RANBP2: variants seen among roughly 807,000 people sequenced by gnomAD.
RANBP2 encodes E3 SUMO-protein ligase RanBP2.
RANBP2 carries 57 observed loss-of-function variants against 303.6 expected under a neutral mutation model. That is an observed-to-expected ratio of 0.19 (90% CI 0.15 to 0.23). RANBP2 has a LOEUF of 0.23. Ranked by LOEUF, RANBP2 falls within the 10% of genes least tolerant of loss-of-function variation. The pLI, the probability that RANBP2 is intolerant of heterozygous loss-of-function variation, is 1.00. For missense variants in RANBP2, 3,138 were observed against 3,780.8 expected (o/e 0.83, Z 4.46); for synonymous variants, 1,167 against 1,301.5 (o/e 0.90, Z 2.23).
chr2:109,595,021 G>A, the RANBP2 span: 19 of 152,082 alleles, frequency 1.2e-4, no homozygotes, highest in Admixed American at 1.1e-3. Flanking sequence ...CGAGCAGCTG[G>A]GATTACCGGC....
chr2:109,286,582 G>A, the RANBP2 span, among the ~76,000 whole-genome samples: 3 of 152,198 alleles, frequency 2.0e-5, no homozygotes, highest in Admixed American at 6.5e-5. Context: ...TTCAGCTAAG[G>A]CCCCTTCTGG....
the RANBP2 span, among the ~76,000 whole-genome samples, chr2:109,628,943 C>T: frequency 4.6e-5 from 7 of 152,020 alleles, no homozygotes; most frequent in Admixed American, 1.3e-4. Flanking sequence ...GTGGCTCACG[C>T]CTGTAATCCC....
At chr2:108,956,151 G>A in the RANBP2 span, among the ~76,000 whole-genome samples, 1 of 152,176 alleles carries the variant, frequency 6.6e-6, no homozygotes, top group Admixed American at 6.5e-5. Flanking sequence ...TGGATTGAAA[G>A]TATCCCATCA....
At chr2:109,610,155 C>A in the RANBP2 span, among the ~76,000 whole-genome samples, 1 of 151,410 alleles carries the variant, frequency 6.6e-6, no homozygotes, top group African/African-American at 2.4e-5. Context: ...GTGGCGCGAT[C>A]TCAGCTTACT....
At chr2:108,925,398 G>A in the RANBP2 span, among the ~76,000 whole-genome samples, 2 of 152,324 alleles carry the variant, frequency 1.3e-5, no homozygotes, top group Non-Finnish European at 2.9e-5. Flanking sequence ...GCTACACGGC[G>A]GATGCACAAC....
At chr2:109,116,153 A>G in the RANBP2 span, among the ~76,000 whole-genome samples, 1 of 152,078 alleles carries the variant, frequency 6.6e-6, no homozygotes, top group Non-Finnish European at 1.5e-5. Context: ...CGTTCTCTGT[A>G]TTTCCTGAAT....
At chr2:109,044,525 A>AAAAT in the RANBP2 span, among the ~76,000 whole-genome samples, 73 of 152,186 alleles carry the variant, frequency 4.8e-4, no homozygotes, top group South Asian at 7.9e-3. Flanking sequence ...TCTGTCGCAA[A>AAAAT]AAATAAATAA....
chr2:108,979,179 T>C, the RANBP2 span, among the ~76,000 whole-genome samples: 1 of 152,196 alleles, frequency 6.6e-6, no homozygotes, highest in African/African-American at 2.4e-5. Flanking sequence ...GCCCGAGTAC[T>C]TGACCCTTAC....
the RANBP2 span, chr2:109,760,433 A>T: frequency 1.1e-6 from 1 of 915,676 alleles, no homozygotes; most frequent in Non-Finnish European, 1.3e-6. Context: ...GCGGCGGCGC[A>T]GGGCCGGGGG....
chr2:109,000,134 C>T, the RANBP2 span, among the ~76,000 whole-genome samples: 1 of 152,176 alleles, frequency 6.6e-6, no homozygotes, highest in Non-Finnish European at 1.5e-5. Flanking sequence ...AAAAGTTCAA[C>T]CTATTGGGAA....
the RANBP2 span, among the ~76,000 whole-genome samples, chr2:108,995,610 C>G: frequency 6.6e-6 from 1 of 152,254 alleles, no homozygotes; most frequent in Non-Finnish European, 1.5e-5. Flanking sequence ...AATCTCCCAG[C>G]TCTGCTCAGA....
At chr2:109,405,237 A>G in the RANBP2 span, among the ~76,000 whole-genome samples, 17 of 151,932 alleles carry the variant, frequency 1.1e-4, no homozygotes, top group African/African-American at 3.9e-4. Context: ...AACCGATGAC[A>G]CCCCTCTTTC....
downstream of RANBP2, among the ~76,000 whole-genome samples, chr2:108,787,233 A>C (rs1024747727): frequency 3.3e-5 from 5 of 152,248 alleles, no homozygotes; most frequent in Non-Finnish European, 7.3e-5. Flanking sequence ...TGCTTTTTAA[A>C]AGCGGCTTAT....
the RANBP2 span, among the ~76,000 whole-genome samples, chr2:108,957,464 A>C: frequency 6.6e-6 from 1 of 152,188 alleles, no homozygotes; most frequent in Non-Finnish European, 1.5e-5. Flanking sequence ...GCTATAAATC[A>C]AGTGGCCCCG....
chr2:108,772,991 A>T lies in RANBP2; in HGVS notation c.8237A>T (p.Asp2746Val). The T allele has an allele frequency of 6.2e-7, 1 of 1,614,056 alleles. No homozygotes were observed. Among genetic ancestry groups the T allele is most frequent in the Non-Finnish European group, 8.5e-7 (1 of 1,179,934 alleles). ...GGAGTCTGTAGTGATACTGATGAAG[A>T]CAATGGAAATGGGGAGGACTTTCAA... ...FCGVCSDTDE[D>V]NGNGEDFQSE... Residue 2746 changes from aspartate to valine, a missense_variant, in exon 23 of 29, where the codon GAC becomes GTC. Coordinates refer to ENST00000283195, the MANE Select transcript of RANBP2 (RefSeq NM_006267.5).
the RANBP2 span, among the ~76,000 whole-genome samples, chr2:109,015,776 A>G: frequency 1.3e-5 from 2 of 152,190 alleles, no homozygotes; most frequent in Non-Finnish European, 2.9e-5. Flanking sequence ...AAATAAATAA[A>G]ATAAAAAAAT....
chr2:109,251,250 G>A, the RANBP2 span, among the ~76,000 whole-genome samples: 5 of 152,114 alleles, frequency 3.3e-5, no homozygotes, highest in Admixed American at 1.3e-4. Context: ...TTATCCACCC[G>A]CCTCAGCCTC....
chr2:108,769,662 G>A lies in RANBP2; in HGVS notation c.7849+1274G>A, dbSNP rs976980368. Among the ~76,000 whole-genome samples, 10 of 152,178 alleles carry A rather than the reference G, an allele frequency of 6.6e-5. No homozygotes were observed. In the East Asian group the frequency reaches 7.7e-4, roughly 12 times the overall value. ...GCCAGTATTCAAATGTAGTGGCAACGGCATGTATACAATATGGAAGAGTGT... is the reference window on the plus strand; with the variant it reads ...GCCAGTATTCAAATGTAGTGGCAACAGCATGTATACAATATGGAAGAGTGT... On this transcript the variant is annotated intron_variant, in intron 20 of 28. Transcript: ENST00000283195.
chr2:109,164,699 C>G, the RANBP2 span, among the ~76,000 whole-genome samples: 1 of 152,140 alleles, frequency 6.6e-6, no homozygotes, highest in African/African-American at 2.4e-5. Flanking sequence ...TGTAAATACT[C>G]CCATCATGAT....
Sources: allele counts gnomAD v4.1 joint callset (sites outside exome capture counted in the v4.1 genomes callset), GRCh38; gene constraint gnomAD v4.1.1; transcripts MANE v1.5; gene names NCBI Gene and HGNC (gene_info 2026-07-23, HGNC 2026-07-21).